PPP1R14C: variants seen among roughly 807,000 people sequenced by gnomAD.
PPP1R14C encodes the protein protein phosphatase 1 regulatory inhibitor subunit 14C, also known as protein phosphatase 1 regulatory subunit 14C.
In PPP1R14C, 16 loss-of-function variants were observed where a neutral mutation model predicts 20.4. That is an observed-to-expected ratio of 0.78 (90% CI 0.53 to 1.19). The LOEUF (loss-of-function observed/expected upper bound fraction) is 1.19. Among genes scored for constraint, PPP1R14C ranks in the 50% most tolerant of loss-of-function variants. The pLI, the probability that PPP1R14C is intolerant of heterozygous loss-of-function variation, is 0.00. For synonymous variants in PPP1R14C, 91 were observed against 91.0 expected (o/e 1.00, Z 0.00); for missense variants, 211 against 220.1 (o/e 0.96, Z 0.26).
chr6:150,247,862 G>A (rs1778512907), intron 3 of PPP1R14C, among the ~76,000 whole-genome samples: 1 of 152,194 alleles, frequency 6.6e-6, no homozygotes, highest in South Asian at 2.1e-4. Context: ...TCCCAGCACT[G>A]TGTGGTCCTT....
chr6:150,159,470 C>T (rs1777341123), intron 1 of PPP1R14C, among the ~76,000 whole-genome samples: 1 of 152,080 alleles, frequency 6.6e-6, no homozygotes, highest in Admixed American at 6.5e-5. Context: ...ATCTTGTGTG[C>T]TCTCGGCTTT....
chr6:150,150,178 T>A (rs140368839), intron 1 of PPP1R14C, among the ~76,000 whole-genome samples: 1 of 152,350 alleles, frequency 6.6e-6, no homozygotes, highest in Non-Finnish European at 1.5e-5. Flanking sequence ...AAAGTCAATC[T>A]GTGTTTTTGT....
At chr6:150,218,517 G>C (rs1399998018) in intron 3 of PPP1R14C, among the ~76,000 whole-genome samples, 1 of 138,742 alleles carries the variant, frequency 7.2e-6, no homozygotes, top group Non-Finnish European at 1.5e-5. Context: ...TTTTAAAAAG[G>C]TAACAGTGAC....
chr6:150,218,193 G>A (rs1456342933), intron 3 of PPP1R14C, among the ~76,000 whole-genome samples: 1 of 152,124 alleles, frequency 6.6e-6, no homozygotes, highest in Non-Finnish European at 1.5e-5. Flanking sequence ...CACGAGGTCA[G>A]GAGATCGAGG....
intron 3 of PPP1R14C, among the ~76,000 whole-genome samples, chr6:150,238,147 A>G (rs1778386772): frequency 6.6e-6 from 1 of 152,204 alleles, no homozygotes; most frequent in African/African-American, 2.4e-5. Context: ...TCTCTTAGGT[A>G]GTATTTTGAG....
intron 1 of PPP1R14C, among the ~76,000 whole-genome samples, chr6:150,198,415 G>A (rs938236086): frequency 6.6e-6 from 1 of 152,268 alleles, no homozygotes; most frequent in Non-Finnish European, 1.5e-5. Context: ...GTTGTCAGGT[G>A]ACCATCCTCT....
intron 1 of PPP1R14C, among the ~76,000 whole-genome samples, chr6:150,206,498 C>T (rs9322252): frequency 0.022 from 3,391 of 152,228 alleles, 114 homozygotes; most frequent in African/African-American, 0.076. Flanking sequence ...TGACGTAACC[C>T]GTGATGTGCA....
In PPP1R14C at chr6:150,143,502, C is replaced by T. The variant is rs997648355; in HGVS notation, c.306+4C>T. The stretch of plus-strand genomic sequence containing the variant: ...GGGTCAGCTCTACGGCTGCGAGGTA[C>T]CTGGGCGCGGGGCTGGGAGGGTCGG... On this transcript the variant is annotated splice_donor_region_variant and intron_variant, in intron 1 of 3. Coordinates refer to ENST00000361131, the MANE Select transcript of PPP1R14C (RefSeq NM_030949.3). The surrounding 1 kb of genome is among the most constrained non-coding windows in gnomAD (Gnocchi z 5.6). 3 of 1,573,736 alleles carry T rather than the reference C, an allele frequency of 1.9e-6. No individual in the cohort carries two copies. Among genetic ancestry groups the T allele is most frequent in the African/African-American group, 1.4e-5 (1 of 73,020 alleles).
At chr6:150,227,584 T>G (rs537717271) in intron 3 of PPP1R14C, among the ~76,000 whole-genome samples, 4 of 152,334 alleles carry the variant, frequency 2.6e-5, no homozygotes, top group Non-Finnish European at 5.9e-5. Context: ...TCCTTTCTTA[T>G]GTCAGACCCT....
At chr6:150,195,166 A>G (rs1454513032) in intron 1 of PPP1R14C, 21 of 984,546 alleles carry the variant, frequency 2.1e-5, no homozygotes, top group Non-Finnish European at 2.5e-5. Flanking sequence ...GTTTTATGGT[A>G]GTTTTAAGCC....
At chr6:150,160,058 G>A (rs1423147765) in intron 1 of PPP1R14C, among the ~76,000 whole-genome samples, 2 of 152,078 alleles carry the variant, frequency 1.3e-5, no homozygotes, top group Non-Finnish European at 2.9e-5. Flanking sequence ...ATGGGTTTGA[G>A]GGAGGAAGAC....
intron 1 of PPP1R14C, among the ~76,000 whole-genome samples, chr6:150,209,110 C>T (rs1165881337): frequency 1.3e-5 from 2 of 152,160 alleles, no homozygotes; most frequent in South Asian, 2.1e-4. Flanking sequence ...CCCTGCCACC[C>T]CACGTTTCTC....
intron 1 of PPP1R14C, among the ~76,000 whole-genome samples, chr6:150,150,160 C>T (rs34667294): frequency 0.16 from 23,689 of 152,178 alleles, 2,352 homozygotes; most frequent in East Asian, 0.55. Context: ...ATAGACATGG[C>T]GAGGGCAAAA....
chr6:150,226,548 C>A (rs959094620), intron 3 of PPP1R14C, among the ~76,000 whole-genome samples: 1 of 152,070 alleles, frequency 6.6e-6, no homozygotes, highest in Non-Finnish European at 1.5e-5. Flanking sequence ...GGAGGATGAA[C>A]AGAAAATGCA....
chr6:150,185,366 G>C lies in PPP1R14C; in HGVS notation c.307-29378G>C, dbSNP rs1413862813. Among the ~76,000 whole-genome samples the C allele has an allele frequency of 6.6e-6, 1 of 152,124 alleles. No homozygotes were observed. The highest frequency in any genetic ancestry group is 2.4e-5 in the African/African-American group (1 of 41,422). ...CAGACCTGCAAGGCTCCTGCAATCTGCCCTTTACTCTTTGCCCTTCCCAGC... is the reference window on the plus strand; with the variant it reads ...CAGACCTGCAAGGCTCCTGCAATCTCCCCTTTACTCTTTGCCCTTCCCAGC... On this transcript the variant is annotated intron_variant, in intron 1 of 3. Coordinates refer to ENST00000361131, the MANE Select transcript of PPP1R14C (RefSeq NM_030949.3). The surrounding 1 kb of genome is among the most constrained non-coding windows in gnomAD (Gnocchi z 4.1).
intron 1 of PPP1R14C, among the ~76,000 whole-genome samples, chr6:150,166,678 A>C (rs1413760531): frequency 6.6e-6 from 1 of 152,288 alleles, no homozygotes; most frequent in South Asian, 2.1e-4. Flanking sequence ...TTTTGAGGCC[A>C]CTGGGAGAGG....
At chr6:150,189,041 T>C (rs1288813562) in intron 1 of PPP1R14C, among the ~76,000 whole-genome samples, 2 of 151,844 alleles carry the variant, frequency 1.3e-5, no homozygotes, top group South Asian at 2.1e-4. Context: ...GTATTTTTAG[T>C]AGAGACAGGA....
At chr6:150,202,565 C>T (rs1017025562) in intron 1 of PPP1R14C, among the ~76,000 whole-genome samples, 21 of 152,230 alleles carry the variant, frequency 1.4e-4, no homozygotes, top group Non-Finnish European at 2.6e-4. Context: ...AAGCTTCGGC[C>T]GACTTTGCCG....
chr6:150,218,296 G>T (rs566264222), intron 3 of PPP1R14C, among the ~76,000 whole-genome samples: 3 of 152,004 alleles, frequency 2.0e-5, no homozygotes, highest in Non-Finnish European at 4.4e-5. Flanking sequence ...CTAGCTACTC[G>T]GGAGGCTGAG....
Sources: allele counts gnomAD v4.1 joint callset (sites outside exome capture counted in the v4.1 genomes callset), GRCh38; gene constraint gnomAD v4.1.1; non-coding constraint Gnocchi (gnomAD v3.1); transcripts MANE v1.5; gene names NCBI Gene and HGNC (gene_info 2026-07-23, HGNC 2026-07-21).